Variants in FAM90A1 observed in about 807,000 individuals in gnomAD.
FAM90A1 encodes the protein family with sequence similarity 90 member A1, also known as protein FAM90A1.
FAM90A1 carries 10 observed loss-of-function variants against 14.8 expected under a neutral mutation model. The observed-to-expected ratio is 0.67, with a 90% CI of 0.42 to 1.14. The LOEUF is 1.14. FAM90A1 is among the 50% of genes most tolerant of loss of function. The pLI is 0.00. For synonymous variants in FAM90A1, 236 were observed against 248.4 expected (o/e 0.95, Z 0.47); for missense variants, 567 against 602.8 (o/e 0.94, Z 0.62).
chr12:8,223,663 G>T (rs577367388), intron 5 of FAM90A1, 106 bp from the exon 6 acceptor site: 2 of 764,818 alleles, frequency 2.6e-6, no homozygotes, highest in East Asian at 2.6e-5. Flanking sequence ...ATACAGAAAT[G>T]GACATCTGGT....
chr12:8,223,128 G>A (rs1249921600), intron 6 of FAM90A1, among the ~76,000 whole-genome samples: 7 of 152,370 alleles, frequency 4.6e-5, no homozygotes, highest in Middle Eastern at 3.4e-3. Flanking sequence ...TACTCAGGAC[G>A]TCTTCTCTGA....
Position 8,222,506 on chromosome 12 carries a change from A to G in FAM90A1, c.711T>C (p.Cys237=), listed in dbSNP as rs200558268. 11,927 of 1,590,446 alleles carry G rather than the reference A, an allele frequency of 7.5e-3. 150 individuals are homozygous for G. Among genetic ancestry groups the G allele is most frequent in the South Asian group, 0.015 (1,333 of 89,948 alleles). Reference sequence around the variant, plus strand: ...TGGAGGCAGCCTGGGGAACTTCTCGACAGCCACCCGCAGGGCTGCTGTGTG... The same window carrying G: ...TGGAGGCAGCCTGGGGAACTTCTCGGCAGCCACCCGCAGGGCTGCTGTGTG... The part of the protein sequence containing the change: ...KPTHSSPAGG[C]REVPQAASKT... The change falls in exon 7 of 7, where the codon TGT becomes TGC. Residue 237 remains cysteine, a synonymous_variant. Coordinates refer to ENST00000538603, the MANE Select transcript of FAM90A1 (RefSeq NM_018088.3).
rs1341355430 is a variant in FAM90A1, at chr12:8,221,684, C to T, written c.*138G>A. ...CTGCTCCCTGCCTGGCCTGGGCTCC[C>T]ACATCCACAGAAGGGCCACAGCCGG... On this transcript the variant is annotated 3_prime_UTR_variant, in exon 7 of 7. Coordinates refer to ENST00000538603, the MANE Select transcript of FAM90A1 (RefSeq NM_018088.3). 6 of 979,854 alleles carry T rather than the reference C, an allele frequency of 6.1e-6. No homozygotes were observed. The highest frequency in any genetic ancestry group is 2.2e-5 in the Admixed American group (1 of 46,192). 60.7% of individuals were successfully genotyped at this position (979,854 alleles called of 1,614,324 possible). A position where few individuals can be genotyped will look rare whatever the true frequency, so the allele number is the denominator to read the frequency against.
intron 4 of FAM90A1, among the ~76,000 whole-genome samples, chr12:8,224,496 A>G (rs1948897585): frequency 6.6e-6 from 1 of 152,252 alleles, no homozygotes; most frequent in Non-Finnish European, 1.5e-5. Context: ...CAGGACTCTA[A>G]GTAGAAAGGG....
rs750289614 is a variant in FAM90A1 at position 8,222,202 on chromosome 12, C to T, written c.1015G>A (p.Glu339Lys). 6.8e-6 allele frequency: 11 copies of T among 1,611,950 alleles called. No homozygotes were observed. The African/African-American group carries it at 1.3e-4, about 20-fold the overall frequency. Residue 339 changes from glutamate (E) to lysine (K), a missense_variant, in exon 7 of 7, where the codon GAA becomes AAA. By Grantham distance (56) the Glu-to-Lys change is moderately conservative. Coordinates refer to ENST00000538603, the MANE Select transcript of FAM90A1 (RefSeq NM_018088.3). ...TGGGGTGACGTACGTGGTCCAAGTT[C>T]GGTTGCGGCTGGCGGAGGTTGGAGA... ...ENLQPPPAAT[E>K]LGPRTSPQTG...
chr12:8,227,331 G>A (rs1211804580), intron 1 of FAM90A1, 149 bp downstream of exon 1: 1 of 282,594 alleles, frequency 3.5e-6, no homozygotes, highest in Non-Finnish European at 6.7e-6. Flanking sequence ...TGCTCTGGGG[G>A]CTGTGGCAGG....
chr12:8,224,127 G>C lies in FAM90A1; in HGVS notation c.212C>G (p.Pro71Arg). The change falls in exon 5 of 7, where the codon CCG (proline) becomes CGG (arginine). Residue 71 changes from proline (P) to arginine (R), a missense_variant. Coordinates refer to ENST00000538603, the MANE Select transcript of FAM90A1 (RefSeq NM_018088.3). Reference sequence around the variant, plus strand: ...CTTCCCTTCCTTTTCCCCAAAGTTCGGTGGAACCAGGGCTGCCTTCCAGCA... The same window carrying C: ...CTTCCCTTCCTTTTCCCCAAAGTTCCGTGGAACCAGGGCTGCCTTCCAGCA... ...MKCWKAALVP[P>R]NFGEKEGKEN... 1 of 1,611,968 alleles carries C rather than the reference G, an allele frequency of 6.2e-7. No individual in the cohort carries two copies. Among genetic ancestry groups the C allele is most frequent in the Non-Finnish European group, 8.5e-7 (1 of 1,179,814 alleles).
Position 8,226,323 on chromosome 12 carries a change from A to G in FAM90A1, c.-265T>C, listed in dbSNP as rs1948942542. ...TCTCGACGTAGGCCTCCGTGTCATC[A>G]TGGAGATTCTCCTTGACATGCAGTC... is the stretch of plus-strand genomic sequence containing the variant. On this transcript the variant is annotated 5_prime_UTR_variant, in exon 2 of 7. The change abolishes an upstream ATG in the 5' untranslated region. Coordinates refer to ENST00000538603, the MANE Select transcript of FAM90A1 (RefSeq NM_018088.3). 6.6e-6 allele frequency: 1 copy of G among 152,246 alleles called. No individual in the cohort carries two copies. The highest frequency in any genetic ancestry group is 6.5e-5 in the Admixed American group (1 of 15,284). 9.4% of individuals were successfully genotyped at this position (152,246 alleles called of 1,614,324 possible). A position where few individuals can be genotyped will look rare whatever the true frequency, so the allele number is the denominator to read the frequency against.
At chr12:8,224,580 G>A in intron 4 of FAM90A1, 130 bp downstream of exon 4, 1 of 832,810 alleles carries the variant, frequency 1.2e-6, no homozygotes, top group Non-Finnish European at 1.9e-6. Context: ...CACCTTGGAT[G>A]GGAAAAGCAA....
At chr12:8,223,105 G>C (rs1948869756) in intron 6 of FAM90A1, among the ~76,000 whole-genome samples, 1 of 152,240 alleles carries the variant, frequency 6.6e-6, no homozygotes, top group Non-Finnish European at 1.5e-5. Flanking sequence ...AAGGCAGGTT[G>C]GTGGCTCAAG....
intron 3 of FAM90A1, 25 bp from the exon 4 acceptor site, chr12:8,224,913 A>T (rs113840761): frequency 2.1e-5 from 31 of 1,486,574 alleles, no homozygotes; most frequent in Non-Finnish European, 2.8e-5. Flanking sequence ...AACACACACA[A>T]GTCGATGGTT....
At chr12:8,223,907 T>C (rs1948885128) in intron 5 of FAM90A1, 109 bp downstream of exon 5, 2 of 1,137,184 alleles carry the variant, frequency 1.8e-6, no homozygotes, top group South Asian at 1.4e-5. Context: ...CTCTGCAGCG[T>C]TCCTTCCCTG....
rs781489827 is a variant in FAM90A1, at chr12:8,223,574, G to A, written c.324-17C>T. On this transcript the variant is annotated splice_polypyrimidine_tract_variant and intron_variant, in intron 5 of 6. Coordinates refer to ENST00000538603, the MANE Select transcript of FAM90A1 (RefSeq NM_018088.3). ...TCTTGTGGCCTGCAGAACAGAAAAA[G>A]GTCAGGCCGTCCTCCCTGGTTTTCC... is the stretch of plus-strand genomic sequence containing the variant. The A allele has an allele frequency of 5.6e-6, 8 of 1,434,606 alleles. No individual in the cohort carries two copies. Among genetic ancestry groups the A allele is most frequent in the Non-Finnish European group, 7.9e-6 (8 of 1,016,804 alleles). 88.9% of individuals were successfully genotyped at this position (1,434,606 alleles called of 1,614,324 possible).
In FAM90A1 at chr12:8,224,335, C is replaced by T. The variant is rs940984771; in HGVS notation, c.124-120G>A. ...AATAAGGATTCCAAAGAGGGGACAC[C>T]GGCATGGGGGCCGTTAAGTGCTGGG... On this transcript the variant is annotated intron_variant, in intron 4 of 6. Transcript: ENST00000538603. 4.4e-5 allele frequency: 40 copies of T among 899,820 alleles called. 1 individual carries two copies. Among genetic ancestry groups the T allele is most frequent in the Admixed American group, 2.8e-4 (14 of 50,730 alleles). 55.7% of individuals were successfully genotyped at this position (899,820 alleles called of 1,614,324 possible).
intron 1 of FAM90A1, among the ~76,000 whole-genome samples, chr12:8,226,772 T>C (rs747445308): frequency 6.0e-4 from 31 of 51,992 alleles, no homozygotes; most frequent in Non-Finnish European, 2.7e-4. Flanking sequence ...TCCAAGCATC[T>C]TTTTTTTTTT....
Position 8,226,301 on chromosome 12 carries a change from C to T in FAM90A1, c.-243G>A, listed in dbSNP as rs2120862634. 6.6e-6 allele frequency: 1 copy of T among 152,320 alleles called. No homozygotes were observed. The highest frequency in any genetic ancestry group is 2.1e-4 in the South Asian group (1 of 4,822). The allele number at this position is 152,320 out of a possible 1,614,324, so 9.4% of individuals were successfully genotyped here. A position where few individuals can be genotyped will look rare whatever the true frequency, so the allele number is the denominator to read the frequency against. On this transcript the variant is annotated 5_prime_UTR_variant, in exon 2 of 7. Coordinates refer to ENST00000538603, the MANE Select transcript of FAM90A1 (RefSeq NM_018088.3). ...TAATTGGACCATATTTACTCTATCTCGACGTAGGCCTCCGTGTCATCATGG... is the reference window on the plus strand; with the variant it reads ...TAATTGGACCATATTTACTCTATCTTGACGTAGGCCTCCGTGTCATCATGG...
At position 8,221,881 on chromosome 12, in the gene FAM90A1, G is replaced by A. The variant is rs1283394025; in HGVS notation, c.1336C>T (p.Leu446Phe). ...GPCVRVPPSV[L>F]YEDLQVPSSS... ...GAGGGAACCTGAAGGTCCTCATAGA[G>A]GACGCTTGGTGGGACACGAACACAG... Residue 446 changes from leucine to phenylalanine, a missense_variant, in exon 7 of 7, where the codon CTC becomes TTC. Coordinates refer to ENST00000538603, the MANE Select transcript of FAM90A1 (RefSeq NM_018088.3). 1 of 1,596,356 alleles carries A rather than the reference G, an allele frequency of 6.3e-7. No homozygotes were observed. The highest frequency in any genetic ancestry group is 1.3e-5 in the African/African-American group (1 of 74,856).
intron 5 of FAM90A1, 67 bp downstream of exon 5, chr12:8,223,949 G>A: frequency 6.9e-7 from 1 of 1,455,848 alleles, no homozygotes; most frequent in Non-Finnish European, 9.6e-7. Context: ...CGGTGTGCAG[G>A]TGCAGAGACA....
At position 8,221,871 on chromosome 12, in the gene FAM90A1, T is replaced by C. The variant is rs138279289; in HGVS notation, c.1346A>G (p.Asp449Gly). Residue 449 changes from aspartate (D) to glycine (G), a missense_variant, in exon 7 of 7, where the codon GAC becomes GGC. By Grantham distance (94) the Asp-to-Gly change is moderately conservative. Transcript: ENST00000538603. ...VRVPPSVLYE[D>G]LQVPSSSEDS... ...CTCTGAGGAGGAGGGAACCTGAAGGTCCTCATAGAGGACGCTTGGTGGGAC... is the reference window on the plus strand; with the variant it reads ...CTCTGAGGAGGAGGGAACCTGAAGGCCCTCATAGAGGACGCTTGGTGGGAC... 17 of 1,596,050 alleles carry C rather than the reference T, an allele frequency of 1.1e-5. No homozygotes were observed. The highest frequency in any genetic ancestry group is 6.8e-6 in the Non-Finnish European group (8 of 1,179,708).
Sources: allele counts gnomAD v4.1 joint callset (sites outside exome capture counted in the v4.1 genomes callset), GRCh38; gene constraint gnomAD v4.1.1; transcripts MANE v1.5; gene names NCBI Gene and HGNC (gene_info 2026-07-23, HGNC 2026-07-21).